PARVB: variants seen among roughly 807,000 people sequenced by gnomAD.
PARVB encodes the protein beta-parvin.
Under a neutral mutation model 47.0 loss-of-function variants are expected in PARVB, and 46 were observed. The ratio of observed to expected loss-of-function variants is 0.98; its 90% CI spans 0.77 to 1.25. PARVB has a LOEUF of 1.25. Among genes scored for constraint, PARVB ranks in the 50% most tolerant of loss-of-function variants. The pLI is 0.00. For synonymous variants in PARVB, 196 were observed against 196.3 expected, an observed-to-expected ratio of 1.00 and a Z score of 0.01; for missense variants, 473 against 471.6, an observed-to-expected ratio of 1.00 and a Z score of -0.03.
intron 1 of PARVB, among the ~76,000 whole-genome samples, chr22:44,060,030 T>G (rs1601541850): frequency 6.6e-6 from 1 of 152,020 alleles, no homozygotes; most frequent in African/African-American, 2.4e-5. Flanking sequence ...ATTTCATGGC[T>G]GAGACCAGGC....
intron 1 of PARVB, among the ~76,000 whole-genome samples, chr22:44,090,957 C>T (rs995513783): frequency 6.6e-6 from 1 of 152,150 alleles, no homozygotes; most frequent in Non-Finnish European, 1.5e-5. Flanking sequence ...CTTTGTAACT[C>T]GTCATGTGGT....
chr22:44,111,466 T>C (rs1209173382), intron 3 of PARVB: 1 of 77,110 alleles, frequency 1.3e-5, no homozygotes, highest in East Asian at 5.7e-4. Context: ...TTTTTTTTTT[T>C]TGAGACAGGG....
intron 3 of PARVB, among the ~76,000 whole-genome samples, chr22:44,102,048 C>T (rs140737002): frequency 3.9e-4 from 59 of 152,226 alleles, no homozygotes; most frequent in Non-Finnish European, 6.6e-4. Context: ...CACTTGACTA[C>T]GGAGGCTGAG....
intron 3 of PARVB, chr22:44,113,258 A>G (rs1363006667): frequency 9.0e-6 from 1 of 110,894 alleles, no homozygotes; most frequent in Admixed American, 8.6e-5. Context: ...AAGGCCCTGC[A>G]CCAACACAGA....
At chr22:44,120,993 A>G (rs1026607452) in intron 4 of PARVB, among the ~76,000 whole-genome samples, 8 of 151,680 alleles carry the variant, frequency 5.3e-5, no homozygotes, top group African/African-American at 1.7e-4. Flanking sequence ...ACAGGCACAT[A>G]CCACCATGCC....
chr22:44,006,594 C>T (rs2050467585), intron 2 of PARVB, among the ~76,000 whole-genome samples: 1 of 152,194 alleles, frequency 6.6e-6, no homozygotes, highest in Non-Finnish European at 1.5e-5. Flanking sequence ...CACTGCACTA[C>T]AGCCTGGTGA....
chr22:44,067,442 A>G (rs1003846193), intron 1 of PARVB, among the ~76,000 whole-genome samples: 2 of 152,186 alleles, frequency 1.3e-5, no homozygotes, highest in African/African-American at 4.8e-5. Flanking sequence ...GGGGCTGACC[A>G]CCAGCCCCAG....
At chr22:44,092,930 C>A (rs1022555360) in intron 1 of PARVB, among the ~76,000 whole-genome samples, 3 of 152,208 alleles carry the variant, frequency 2.0e-5, no homozygotes, top group Non-Finnish European at 4.4e-5. Context: ...TACTTCTGAA[C>A]CTGTTTCATG....
intron 1 of PARVB, among the ~76,000 whole-genome samples, chr22:44,083,396 C>G (rs1418903900): frequency 1.3e-5 from 2 of 152,114 alleles, no homozygotes; most frequent in Non-Finnish European, 2.9e-5. Context: ...GGGACCTGGC[C>G]CCTGTGCACT....
chr22:44,049,258 T>C lies in PARVB; in HGVS notation c.112+24807T>C, dbSNP rs1212984289. Reference sequence around the variant, plus strand: ...GGTGGAAATGTTCTGAGAGCTGCTGTGTGTGCTGGTGTCAGAATGAACAAT... The same window carrying C: ...GGTGGAAATGTTCTGAGAGCTGCTGCGTGTGCTGGTGTCAGAATGAACAAT... On this transcript the variant is annotated intron_variant, in intron 1 of 12. Transcript: ENST00000338758. This position sits in a 1 kb window ranked among gnomAD's most constrained non-coding sequence, Gnocchi z 4.0. Among the ~76,000 whole-genome samples the C allele has an allele frequency of 2.6e-5, 4 of 152,206 alleles. No homozygotes were observed. The highest frequency in any genetic ancestry group is 9.6e-5 in the African/African-American group (4 of 41,464).
At chr22:44,151,850 G>T in intron 10 of PARVB, 1 of 334,680 alleles carries the variant, frequency 3.0e-6, no homozygotes, top group South Asian at 3.5e-5. Context: ...TCCCTCCAAG[G>T]CTGTGAGGGA....
intron 3 of PARVB, chr22:44,115,900 A>C: frequency 6.6e-6 from 1 of 151,546 alleles, no homozygotes; most frequent in Admixed American, 6.6e-5. Flanking sequence ...TTACTAACTA[A>C]GGCCCTGCAC....
At chr22:44,117,198 C>T (rs2052927414) in intron 3 of PARVB, among the ~76,000 whole-genome samples, 1 of 151,946 alleles carries the variant, frequency 6.6e-6, no homozygotes, top group Non-Finnish European at 1.5e-5. Context: ...TTAGGGACGG[C>T]GCTGGAAGTT....
rs1041574208 is a variant in PARVB at position 44,068,519 on chromosome 22, G to A, written c.113-25409G>A. ...GAGAGCAGCCTGCCGCCTCCGTGTC[G>A]GGGCAGCCTCAGCTTCTTCTTTCTG... is the stretch of plus-strand genomic sequence containing the variant. On this transcript the variant is annotated intron_variant, in intron 1 of 12. Transcript: ENST00000338758. The surrounding 1 kb of genome is among the most constrained non-coding windows in gnomAD (Gnocchi z 4.1). Among the ~76,000 whole-genome samples the A allele has an allele frequency of 2.8e-4, 42 of 152,284 alleles. No individual in the cohort carries two copies. The highest frequency in any genetic ancestry group is 8.9e-4 in the African/African-American group (37 of 41,554).
intron 1 of PARVB, among the ~76,000 whole-genome samples, chr22:44,055,678 C>CTCTCTCTCTCTCTCTATATATATATATA (rs1438284048): frequency 4.2e-5 from 6 of 142,676 alleles, no homozygotes; most frequent in African/African-American, 1.3e-4. Context: ...CTCTCTCTCT[C>CTCTCTCTCTCTCTCTATATATATATATA]TATATATATA....
At chr22:44,004,439 T>C (rs1279102922) in intron 2 of PARVB, among the ~76,000 whole-genome samples, 2 of 152,192 alleles carry the variant, frequency 1.3e-5, no homozygotes, top group Non-Finnish European at 2.9e-5. Flanking sequence ...ATTAACAGTC[T>C]GTCTTCTCTC....
In PARVB at chr22:44,019,035, G is replaced by A. The variant is rs991466450; in HGVS notation, c.211+19362G>A. Among the ~76,000 whole-genome samples the A allele has an allele frequency of 4.0e-5, 6 of 151,588 alleles. No individual in the cohort carries two copies. In the East Asian group the frequency reaches 7.8e-4, roughly 20 times the overall value. ...AGGTTCAAGCGATTCTCCTGCCTCA[G>A]CCTCCCCAGTAGCTGGGATTATAGG... On this transcript the variant is annotated intron_variant, in intron 2 of 13. Coordinates refer to the PARVB transcript ENST00000406477.
intron 1 of PARVB, among the ~76,000 whole-genome samples, chr22:44,030,615 TG>T (rs1232075834): frequency 6.6e-6 from 1 of 151,680 alleles, no homozygotes; most frequent in African/African-American, 2.4e-5. Context: ...GGCAGGAATG[TG>T]GCACGGGGCA....
chr22:44,036,787 G>C (rs2050930479), intron 1 of PARVB, among the ~76,000 whole-genome samples: 1 of 152,044 alleles, frequency 6.6e-6, no homozygotes, highest in Admixed American at 6.6e-5. Flanking sequence ...GGGCAACATA[G>C]AGAGAACCCC....
Sources: gnomAD v4.1 joint callset for allele counts (sites outside exome capture counted in the v4.1 genomes callset) on GRCh38, gnomAD v4.1.1 for gene constraint, Gnocchi (gnomAD v3.1) non-coding constraint, MANE v1.5 for transcripts, NCBI Gene and HGNC (gene_info 2026-07-23, HGNC 2026-07-21) for gene names.